The following COQ8B variants were observed in gnomAD, a reference collection of about 807,000 sequenced individuals.
COQ8B encodes coenzyme Q8B, also known as atypical kinase COQ8B, mitochondrial.
Under a neutral mutation model 62.0 loss-of-function variants are expected in COQ8B, and 44 were observed. That is an observed-to-expected ratio of 0.71 (90% confidence interval 0.56 to 0.91). COQ8B has a LOEUF of 0.91. COQ8B is among the 40% of genes least tolerant of loss of function. The pLI is 0.00. For missense variants in COQ8B, 649 were observed against 731.6 expected (o/e 0.89, Z 1.30); for synonymous variants, 252 against 289.9 (o/e 0.87, Z 1.33).
intron 4 of COQ8B, among the ~76,000 whole-genome samples, chr19:40,710,606 C>T (rs1471824534): frequency 6.6e-6 from 1 of 152,148 alleles, no homozygotes; most frequent in Admixed American, 6.6e-5. Context: ...TCTGTTCCTG[C>T]ATGGGGCTCC....
rs558377495 is a variant in COQ8B, at chr19:40,714,384, C to A, written c.116G>T (p.Gly39Val). The change falls in exon 3 of 15, where the codon GGT becomes GTT. Residue 39 changes from glycine (G) to valine (V), a missense_variant. Physicochemically the swap from Gly to Val is moderately radical, Grantham distance 109 (BLOSUM62 -3). Coordinates refer to ENST00000324464, the MANE Select transcript of COQ8B (RefSeq NM_024876.4). The stretch of plus-strand genomic sequence containing the variant: ...CTGGTAAAACTTTTGGGCCCAAGAA[C>A]CTCCACATGGTCCCTGCAAGAGATA... The part of the protein sequence containing the change: ...PGPHRWGPCG[G>V]SWAQKFYQDG... 6.1e-5 allele frequency: 98 copies of A among 1,614,010 alleles called. 1 individual carries two copies. The South Asian group carries it at 1.0e-3, about 17-fold the overall frequency.
In COQ8B at chr19:40,693,035, C is replaced by T. The variant is rs143986853; in HGVS notation, c.1212G>A (p.Val404=). The part of the protein sequence containing the change: ...GTEFTDHYIE[V]VKAAADGDRD... Reference sequence around the variant, plus strand: ...TGTCTCCATCAGCTGCAGCCTTCACCACCTGGGGAGACGGGTGGGAGTTAG... The same window carrying T: ...TGTCTCCATCAGCTGCAGCCTTCACTACCTGGGGAGACGGGTGGGAGTTAG... The change falls in exon 14 of 15, where the codon GTG becomes GTA. Residue 404 remains valine, a splice_region_variant and synonymous_variant. Transcript: ENST00000324464. The T allele has an allele frequency of 4.3e-6, 7 of 1,613,608 alleles. No homozygotes were observed. The African/African-American group carries it at 9.3e-5, about 22-fold the overall frequency.
intron 7 of COQ8B, 42 bp downstream of exon 7, chr19:40,705,054 G>A: frequency 6.5e-7 from 1 of 1,541,132 alleles, no homozygotes; most frequent in Non-Finnish European, 8.8e-7. Flanking sequence ...CAGAGGAGAT[G>A]GAGCCTGCCT....
In COQ8B at chr19:40,692,106, T is replaced by C. The variant is rs757016684; in HGVS notation, c.1564A>G (p.Ser522Gly). ...GCAGTGGCTGCGTCTGGCTGGCGAC[T>C]GGCCCAGTAGCGGTGGTAGGTGTCC... ...FQDTYHRYWASRQPDAATAGS... is the reference protein window; with the variant it reads ...FQDTYHRYWAGRQPDAATAGS... Residue 522 changes from serine (S) to glycine (G), a missense_variant, in exon 15 of 15, where the codon AGT (serine) becomes GGT (glycine). By Grantham distance (56) the Ser-to-Gly change is moderately conservative. Coordinates refer to ENST00000324464, the MANE Select transcript of COQ8B (RefSeq NM_024876.4). 6 of 1,608,506 alleles carry C rather than the reference T, an allele frequency of 3.7e-6. No homozygotes were observed. In the East Asian group the frequency reaches 1.3e-4, roughly 36 times the overall value.
In COQ8B at chr19:40,703,598, G is replaced by A; in HGVS notation, c.742C>T (p.Gln248Ter). 1 of 1,611,954 alleles carries A rather than the reference G, an allele frequency of 6.2e-7. No homozygotes were observed. Among genetic ancestry groups the A allele is most frequent in the Non-Finnish European group, 8.5e-7 (1 of 1,178,538 alleles). Reference protein sequence around the residue: ...IQYPGIAQSIQSDVQNLLAVL... With the variant: ...IQYPGIAQSI ...GCCAGCAGGTTCTGGACATCGCTCT[G>A]AATGCTCTGGGCTATGCCGGGGTAC... Residue 248 changes from glutamine to a stop codon, truncating the protein, a stop_gained, in exon 9 of 15, where the codon CAG becomes TAG. Transcript: ENST00000324464. LOFTEE classifies it high-confidence loss of function.
At chr19:40,714,887 G>A in intron 1 of COQ8B, 4 of 1,280,492 alleles carry the variant, frequency 3.1e-6, no homozygotes, top group African/African-American at 1.6e-5. Flanking sequence ...CCCGTTACTA[G>A]ACACCCACAG....
chr19:40,716,039 A>G (rs564721790), intron 1 of COQ8B: 1 of 152,470 alleles, frequency 6.6e-6, no homozygotes, highest in African/African-American at 2.4e-5. Context: ...CTTGTCGGGA[A>G]TCAGGCCTCT....
At position 40,703,804 on chromosome 19, in the gene COQ8B, A is replaced by G; in HGVS notation, c.628T>C (p.Leu210=). Residue 210 remains leucine, a synonymous_variant, in exon 8 of 15, where the codon TTG becomes CTG. Transcript: ENST00000324464. ...GCAGCGGCAAAGGGCACCTCCTCCA[A>G]GGAGGCCACCTTGGCCTGCCAGTCC... ...GRDWQAKVAS[L]EEVPFAAASI... The G allele has an allele frequency of 6.2e-7, 1 of 1,613,838 alleles. No individual in the cohort carries two copies. Among genetic ancestry groups the G allele is most frequent in the Admixed American group, 1.7e-5 (1 of 60,010 alleles).
intron 12 of COQ8B, 151 bp downstream of exon 12, chr19:40,699,916 G>A: frequency 1.5e-6 from 1 of 683,240 alleles, no homozygotes; most frequent in Non-Finnish European, 2.5e-6. Flanking sequence ...CCACAAAAGG[G>A]AAGGAGCTGG....
chr19:40,715,209 CAG>C (rs1159027222), intron 1 of COQ8B: 6 of 985,154 alleles, frequency 6.1e-6, no homozygotes, highest in Non-Finnish European at 7.2e-6. Flanking sequence ...GGGAAGGGGC[CAG>C]AGAGAGGCCC....
chr19:40,693,316 A>G (rs146532899), intron 13 of COQ8B, among the ~76,000 whole-genome samples: 1 of 152,262 alleles, frequency 6.6e-6, no homozygotes, highest in East Asian at 1.9e-4. Context: ...TGCAAGAAAC[A>G]AGTGTCAGGG....
chr19:40,693,073 C>A (rs372555820), intron 13 of COQ8B, 36 bp from the exon 14 acceptor site: 1 of 1,591,358 alleles, frequency 6.3e-7, no homozygotes. Context: ...GGACAAAGGC[C>A]GGGGCTCAAG....
chr19:40,697,556 G>C (rs1184142120), intron 12 of COQ8B, among the ~76,000 whole-genome samples: 1 of 152,032 alleles, frequency 6.6e-6, no homozygotes, highest in Non-Finnish European at 1.5e-5. Context: ...CAGCATTTTG[G>C]GAGGCTGAGG....
chr19:40,714,981 C>A, intron 1 of COQ8B: 1 of 1,040,776 alleles, frequency 9.6e-7, no homozygotes, highest in Non-Finnish European at 1.2e-6. Flanking sequence ...CTGTAGGCAC[C>A]CGCAATTCCT....
chr19:40,692,206 C>T lies in COQ8B; in HGVS notation c.1464G>A (p.Leu488=). 3 of 1,602,424 alleles carry T rather than the reference C, an allele frequency of 1.9e-6. No individual in the cohort carries two copies. The highest frequency in any genetic ancestry group is 1.7e-6 in the Non-Finnish European group (2 of 1,174,578). The stretch of plus-strand genomic sequence containing the variant: ...GGAAAGCCCCTGCCAGCTTGCGGTG[C>T]AGGGCATAGGTCTCCTCGGGTGGGG... ...LCPPPEETYA[L]HRKLAGAFLA... The change falls in exon 15 of 15, where the codon CTG becomes CTA. Residue 488 remains leucine, a synonymous_variant. Coordinates refer to ENST00000324464, the MANE Select transcript of COQ8B (RefSeq NM_024876.4).
At chr19:40,695,178 C>T (rs886252394) in intron 13 of COQ8B, among the ~76,000 whole-genome samples, 3 of 151,830 alleles carry the variant, frequency 2.0e-5, no homozygotes, top group Admixed American at 6.6e-5. Flanking sequence ...ATTAGCCGGG[C>T]GTGGTGGCAC....
At chr19:40,696,108 GTCTATTGGGGCAGC>G (rs2082013041) in intron 12 of COQ8B, 54 bp from the exon 13 acceptor site, 1 of 1,573,504 alleles carries the variant, frequency 6.4e-7, no homozygotes, top group Non-Finnish European at 8.7e-7. Flanking sequence ...CACCCTCACT[GTCTATTGGGGCAGC>G]CAGGATCTGT....
rs1465334221 is a variant in COQ8B at position 40,691,848 on chromosome 19, G to A, written c.*187C>T. ...ACCCACTTTCGAGTGGGGAGGTGCA[G>A]GATCTAGGGCACGAAGTTGGGAGTT... On this transcript the variant is annotated 3_prime_UTR_variant, in exon 15 of 15. Coordinates refer to ENST00000324464, the MANE Select transcript of COQ8B (RefSeq NM_024876.4). The A allele has an allele frequency of 1.2e-5, 6 of 481,824 alleles. No homozygotes were observed. Among genetic ancestry groups the A allele is most frequent in the Non-Finnish European group, 1.4e-5 (4 of 284,158 alleles). 29.8% of individuals were successfully genotyped at this position (481,824 alleles called of 1,614,324 possible).
In COQ8B at chr19:40,691,944, G is replaced by A; in HGVS notation, c.*91C>T. On this transcript the variant is annotated 3_prime_UTR_variant, in exon 15 of 15. Coordinates refer to ENST00000324464, the MANE Select transcript of COQ8B (RefSeq NM_024876.4). ...AGGCAAGACTGGGAAGCCCAAGGGG[G>A]CTCCTCTGACCCAGGGCAGACGGGG... 11 of 1,248,368 alleles carry A rather than the reference G, an allele frequency of 8.8e-6. No homozygotes were observed. The highest frequency in any genetic ancestry group is 1.2e-5 in the Non-Finnish European group (11 of 944,732). The allele number at this position is 1,248,368 out of a possible 1,614,324, so 77.3% of individuals were successfully genotyped here.
Sources: gnomAD v4.1 joint callset for allele counts (sites outside exome capture counted in the v4.1 genomes callset) on GRCh38, gnomAD v4.1.1 for gene constraint, MANE v1.5 for transcripts, NCBI Gene and HGNC (gene_info 2026-07-23, HGNC 2026-07-21) for gene names.